The following SORCS3 variants were observed in gnomAD, a reference collection of about 807,000 sequenced individuals.
The protein encoded by SORCS3 is VPS10 domain-containing receptor SorCS3.
A neutral mutation model predicts 146.3 loss-of-function variants in SORCS3; 57 were observed. The ratio of observed to expected loss-of-function variants is 0.39; its 90% CI spans 0.31 to 0.49. SORCS3 has a LOEUF of 0.49. Ranked by LOEUF, SORCS3 falls within the 20% of genes least tolerant of loss-of-function variation. The pLI is 0.92. For missense variants in SORCS3, 1,341 were observed against 1,575.5 expected, an observed-to-expected ratio of 0.85 and a Z score of 2.52; for synonymous variants, 653 against 618.5, an observed-to-expected ratio of 1.06 and a Z score of -0.83.
chr10:105,012,806 A>G (rs1468563554), intron 4 of SORCS3, among the ~76,000 whole-genome samples: 1 of 152,204 alleles, frequency 6.6e-6, no homozygotes, highest in African/African-American at 2.4e-5. Flanking sequence ...TGTTAACTTC[A>G]AAGCATCCAG....
chr10:104,826,336 A>G (rs2017934709), intron 1 of SORCS3, among the ~76,000 whole-genome samples: 1 of 151,464 alleles, frequency 6.6e-6, no homozygotes. Context: ...TTTGTCTGGA[A>G]ATTTAGTGTT....
intron 17 of SORCS3, 64 bp downstream of exon 17, chr10:105,211,314 G>A: frequency 9.3e-7 from 1 of 1,072,986 alleles, no homozygotes; most frequent in Non-Finnish European, 1.4e-6. Context: ...TAGGACCAAA[G>A]GAAATGCATT....
chr10:105,102,442 A>G (rs906035890), intron 6 of SORCS3, among the ~76,000 whole-genome samples: 1 of 152,180 alleles, frequency 6.6e-6, no homozygotes, highest in East Asian at 1.9e-4. Flanking sequence ...AAAAACAAAT[A>G]CCACATGTTC....
At chr10:104,836,807 T>C (rs1430893540) in intron 1 of SORCS3, among the ~76,000 whole-genome samples, 11 of 152,160 alleles carry the variant, frequency 7.2e-5, no homozygotes, top group Non-Finnish European at 1.5e-5. Context: ...CCCATACTGC[T>C]CCATCTCCAT....
At chr10:105,129,334 T>C (rs77438485) in intron 7 of SORCS3, among the ~76,000 whole-genome samples, 12,031 of 52,286 alleles carry the variant, frequency 0.23, 780 homozygotes, top group Admixed American at 0.33. Context: ...TCTTTCTCTT[T>C]TTTTTTTTTT....
At chr10:104,997,945 T>C (rs2055037270) in intron 4 of SORCS3, among the ~76,000 whole-genome samples, 1 of 152,136 alleles carries the variant, frequency 6.6e-6, no homozygotes, top group Non-Finnish European at 1.5e-5. Flanking sequence ...AGTAAAGTTC[T>C]GAGATGATCA....
chr10:105,084,038 C>A (rs2055642725), intron 5 of SORCS3, among the ~76,000 whole-genome samples: 1 of 152,116 alleles, frequency 6.6e-6, no homozygotes, highest in Admixed American at 6.5e-5. Flanking sequence ...TGTCTTTGGG[C>A]AAGTTGTTTA....
At chr10:104,746,361 C>T (rs2016911330) in intron 1 of SORCS3, among the ~76,000 whole-genome samples, 1 of 152,190 alleles carries the variant, frequency 6.6e-6, no homozygotes, top group Non-Finnish European at 1.5e-5. Context: ...TGGTCTCGAT[C>T]TCCTGACCTC....
intron 1 of SORCS3, among the ~76,000 whole-genome samples, chr10:104,658,956 C>T (rs1333884777): frequency 4.6e-5 from 7 of 151,450 alleles, no homozygotes; most frequent in African/African-American, 9.7e-5. Context: ...TGGTGTAAGT[C>T]GGTCAACATC....
intron 20 of SORCS3, among the ~76,000 whole-genome samples, chr10:105,236,926 C>A (rs1266965943): frequency 1.3e-5 from 2 of 152,060 alleles, no homozygotes; most frequent in Admixed American, 1.3e-4. Flanking sequence ...CTCTATCAAG[C>A]AATCAATCTA....
At chr10:105,072,956 T>C (rs2055567334) in intron 5 of SORCS3, among the ~76,000 whole-genome samples, 1 of 152,096 alleles carries the variant, frequency 6.6e-6, no homozygotes, top group South Asian at 2.1e-4. Flanking sequence ...CCCTGCGAGG[T>C]AAATATTGCT....
chr10:104,645,710 T>C (rs1184959844), intron 1 of SORCS3, among the ~76,000 whole-genome samples: 1 of 152,222 alleles, frequency 6.6e-6, no homozygotes, highest in African/African-American at 2.4e-5. Context: ...CTGAGCGTAC[T>C]AGTAGGTGTA....
chr10:104,848,219 C>T (rs1301973211), intron 2 of SORCS3, among the ~76,000 whole-genome samples: 1 of 152,112 alleles, frequency 6.6e-6, no homozygotes, highest in African/African-American at 2.4e-5. Context: ...GTCTCATACT[C>T]CTGCCACTTG....
At chr10:105,089,591 C>A (rs942503058) in intron 5 of SORCS3, among the ~76,000 whole-genome samples, 184 bp from the exon 6 acceptor site, 1 of 152,236 alleles carries the variant, frequency 6.6e-6, no homozygotes, top group East Asian at 1.9e-4. Context: ...TTACAGATGA[C>A]AGTTCCTTGG....
At chr10:105,202,570 G>A (rs145900252) in intron 16 of SORCS3, among the ~76,000 whole-genome samples, 42 of 152,168 alleles carry the variant, frequency 2.8e-4, no homozygotes, top group South Asian at 6.2e-4. Flanking sequence ...ATTAATTGCC[G>A]TACAAAATGA....
intron 2 of SORCS3, among the ~76,000 whole-genome samples, chr10:104,855,119 T>C (rs1003960232): frequency 6.6e-6 from 1 of 152,230 alleles, no homozygotes; most frequent in African/African-American, 2.4e-5. Flanking sequence ...TTTTGCCCCT[T>C]TGTCAAAAAT....
intron 7 of SORCS3, among the ~76,000 whole-genome samples, chr10:105,129,779 G>C (rs1329413493): frequency 6.6e-6 from 1 of 152,118 alleles, no homozygotes; most frequent in South Asian, 2.1e-4. Flanking sequence ...AATCATGAAA[G>C]CCAGAACACA....
chr10:104,732,774 C>T (rs1234962705), intron 1 of SORCS3, among the ~76,000 whole-genome samples: 2 of 152,198 alleles, frequency 1.3e-5, no homozygotes, highest in African/African-American at 4.8e-5. Flanking sequence ...CACAGCAGTG[C>T]TTTAACATCT....
intron 5 of SORCS3, among the ~76,000 whole-genome samples, chr10:105,079,834 T>C (rs2133733023): frequency 6.6e-6 from 1 of 152,324 alleles, no homozygotes; most frequent in Middle Eastern, 3.4e-3. Flanking sequence ...GTTGCATTAG[T>C]TTGCTAAGAA....
Sources: allele counts gnomAD v4.1 joint callset (sites outside exome capture counted in the v4.1 genomes callset), GRCh38; gene constraint gnomAD v4.1.1; transcripts MANE v1.5; gene names NCBI Gene and HGNC (gene_info 2026-07-23, HGNC 2026-07-21).